The following MFSD8 variants were observed in gnomAD, a reference collection of about 807,000 sequenced individuals.
MFSD8 encodes major facilitator superfamily domain containing 8, also known as major facilitator superfamily domain-containing protein 8.
MFSD8 carries 55 observed loss-of-function variants against 66.4 expected under a neutral mutation model. The ratio of observed to expected loss-of-function variants is 0.83; its 90% confidence interval spans 0.67 to 1.04. MFSD8 has a LOEUF of 1.04. Among genes scored for constraint, MFSD8 ranks in the 50% least tolerant of loss-of-function variants. MFSD8 has a pLI of 0.00. For missense variants in MFSD8, 550 were observed against 627.6 expected, an observed-to-expected ratio of 0.88 and a Z score of 1.32; for synonymous variants, 202 against 212.8, an observed-to-expected ratio of 0.95 and a Z score of 0.44.
In MFSD8 at chr4:127,942,072, G is replaced by T. The variant is rs1740282494; in HGVS notation, c.526C>A (p.Gln176Lys). The change falls in exon 5 of 12, where the codon CAA becomes AAA. Residue 176 changes from glutamine (Q) to lysine (K), a missense_variant. Physicochemically the swap from Gln to Lys is moderately conservative, Grantham distance 53. Transcript: ENST00000641686. ...GGACCTAGAATAAAACCTAATGCTT[G>T]ACACATGCTTATGTTTGCCATGGAA... ...TSSMANISMCQALGFILGPVF... is the reference protein window; with the variant it reads ...TSSMANISMCKALGFILGPVF... 6.2e-7 allele frequency: 1 copy of T among 1,613,874 alleles called. No homozygotes were observed. The highest frequency in any genetic ancestry group is 8.5e-7 in the Non-Finnish European group (1 of 1,179,856).
chr4:127,936,025 A>G (rs1361805895), intron 7 of MFSD8, among the ~76,000 whole-genome samples: 1 of 152,222 alleles, frequency 6.6e-6, no homozygotes, highest in Admixed American at 6.5e-5. Flanking sequence ...AATTTCAGAT[A>G]AACAATAAGT....
intron 2 of MFSD8, among the ~76,000 whole-genome samples, chr4:127,953,613 G>A (rs568444254): frequency 7.2e-6 from 1 of 138,482 alleles, no homozygotes; most frequent in Non-Finnish European, 1.5e-5. Context: ...GAGTGCAGTG[G>A]TGTGATCTTG....
chr4:127,935,291 GCCC>G (rs759106559), intron 7 of MFSD8, among the ~76,000 whole-genome samples: 4 of 151,984 alleles, frequency 2.6e-5, no homozygotes, highest in Non-Finnish European at 5.9e-5. Context: ...TATCAATATT[GCCC>G]CAAGTCAGAC....
At chr4:127,943,724 A>C (rs1470152593) in intron 4 of MFSD8, 28 bp downstream of exon 4, 1 of 1,613,886 alleles carries the variant, frequency 6.2e-7, no homozygotes. Context: ...TGAATATGAC[A>C]CAACCAAACA....
chr4:127,955,604 C>T (rs1427372798), intron 2 of MFSD8, among the ~76,000 whole-genome samples: 1 of 149,604 alleles, frequency 6.7e-6, no homozygotes, highest in Non-Finnish European at 1.5e-5. Context: ...CTCCAAAAAT[C>T]TGCTGTTTTG....
Position 127,942,164 on chromosome 4 carries a change from A to G in MFSD8, c.440-6T>C. On this transcript the variant is annotated splice_polypyrimidine_tract_variant and splice_region_variant and intron_variant, in intron 4 of 11. Coordinates refer to ENST00000641686, the MANE Select transcript of MFSD8 (RefSeq NM_001371596.2). Reference sequence around the variant, plus strand: ...TCTAACAACTGCTACATTTCCTTAAAAACAAGACACAATAATCCAAAGTAA... The same window carrying G: ...TCTAACAACTGCTACATTTCCTTAAGAACAAGACACAATAATCCAAAGTAA... 6.3e-7 allele frequency: 1 copy of G among 1,591,464 alleles called. No homozygotes were observed. Among genetic ancestry groups the G allele is most frequent in the African/African-American group, 1.3e-5 (1 of 74,602 alleles).
chr4:127,930,403 T>C (rs755092591), intron 9 of MFSD8, among the ~76,000 whole-genome samples: 6 of 152,182 alleles, frequency 3.9e-5, no homozygotes, highest in Non-Finnish European at 7.3e-5. Context: ...TTGCACAATA[T>C]ATATTACAAT....
upstream of MFSD8, chr4:127,965,429 G>A (rs989140341): frequency 3.6e-6 from 2 of 550,434 alleles, no homozygotes; most frequent in Admixed American, 3.1e-5. Context: ...GCCCTGCTCC[G>A]GGTTTGTCTT....
intron 9 of MFSD8, among the ~76,000 whole-genome samples, chr4:127,929,235 A>C (rs1737706769): frequency 6.8e-6 from 1 of 146,098 alleles, no homozygotes; most frequent in Non-Finnish European, 1.5e-5. Context: ...AGGCGTGAGA[A>C]TCGCTGGAAC....
intron 11 of MFSD8, 114 bp from the exon 12 acceptor site, chr4:127,920,950 T>C: frequency 1.0e-6 from 1 of 984,512 alleles, no homozygotes; most frequent in Non-Finnish European, 1.5e-6. Flanking sequence ...TTCTGCATCT[T>C]TTACTTTTAA....
At chr4:127,941,981 A>G (rs1740268296) in intron 5 of MFSD8, 64 bp downstream of exon 5, 1 of 1,262,610 alleles carries the variant, frequency 7.9e-7, no homozygotes, top group African/African-American at 1.5e-5. Context: ...GGTTACACTG[A>G]ATATTTAAGC....
chr4:127,958,375 C>G lies in MFSD8; in HGVS notation c.63-783G>C, dbSNP rs548245904. On this transcript the variant is annotated intron_variant, in intron 1 of 11. Transcript: ENST00000641686. ...TTTCAAATAATCAAGACATGCAGAACAGACAAAATGCCTTCTTATGTTCCA... is the reference window on the plus strand; with the variant it reads ...TTTCAAATAATCAAGACATGCAGAAGAGACAAAATGCCTTCTTATGTTCCA... 3.0e-3 allele frequency among the ~76,000 whole-genome samples: 455 copies of G among 152,190 alleles called. 4 individuals are homozygous for G. Among genetic ancestry groups the G allele is most frequent in the African/African-American group, 0.011 (438 of 41,530 alleles).
At chr4:127,942,693 T>TA (rs1227572834) in intron 4 of MFSD8, among the ~76,000 whole-genome samples, 3 of 151,890 alleles carry the variant, frequency 2.0e-5, no homozygotes, top group Non-Finnish European at 4.4e-5. Context: ...ATATCAAACT[T>TA]ACTTAGTACT....
chr4:127,930,919 G>C, intron 8 of MFSD8, 102 bp from the exon 9 acceptor site: 1 of 1,160,398 alleles, frequency 8.6e-7, no homozygotes. Flanking sequence ...ATTCAAGAAT[G>C]TGCATGCCTT....
At chr4:127,959,715 A>AT (rs1329623136) in intron 1 of MFSD8, among the ~76,000 whole-genome samples, 1 of 152,130 alleles carries the variant, frequency 6.6e-6, no homozygotes, top group Non-Finnish European at 1.5e-5. Flanking sequence ...GGTGTTCGTG[A>AT]TTTTTTCATC....
At chr4:127,929,655 G>A (rs1243549040) in intron 9 of MFSD8, among the ~76,000 whole-genome samples, 8 of 151,840 alleles carry the variant, frequency 5.3e-5, no homozygotes, top group South Asian at 2.1e-4. Flanking sequence ...CAGAGGCCAC[G>A]AATAATAGCG....
At chr4:127,948,362 G>A (rs945064558) in intron 3 of MFSD8, among the ~76,000 whole-genome samples, 1 of 152,094 alleles carries the variant, frequency 6.6e-6, no homozygotes, top group African/African-American at 2.4e-5. Context: ...GGGTGAGTGG[G>A]GAGAAGTAAT....
At chr4:127,926,102 G>A (rs557200914) in intron 9 of MFSD8, among the ~76,000 whole-genome samples, 11 of 151,856 alleles carry the variant, frequency 7.2e-5, no homozygotes, top group African/African-American at 2.7e-4. Context: ...GGGGGCTAGA[G>A]GAGGGATAGC....
At chr4:127,956,516 GA>G (rs1360413546) in intron 2 of MFSD8, among the ~76,000 whole-genome samples, 1 of 133,856 alleles carries the variant, frequency 7.5e-6, no homozygotes, top group East Asian at 2.2e-4. Flanking sequence ...AAAAAAAAAA[GA>G]AAAAAGATGA....
Sources: allele counts gnomAD v4.1 joint callset (sites outside exome capture counted in the v4.1 genomes callset), GRCh38; gene constraint gnomAD v4.1.1; transcripts MANE v1.5; gene names NCBI Gene and HGNC (gene_info 2026-07-23, HGNC 2026-07-21).